Variants in SP140L observed in about 807,000 individuals in gnomAD.
The protein encoded by SP140L is nuclear body protein SP140-like protein.
A neutral mutation model predicts 84.3 loss-of-function variants in SP140L; 64 were observed. That is an observed-to-expected ratio of 0.76 (90% confidence interval 0.62 to 0.94). The LOEUF is 0.94. Among genes scored for constraint, SP140L ranks in the 40% least tolerant of loss-of-function variants. The pLI is 0.00. For synonymous variants in SP140L, 242 were observed against 236.9 expected, an observed-to-expected ratio of 1.02 and a Z score of -0.20; for missense variants, 628 against 692.5, an observed-to-expected ratio of 0.91 and a Z score of 1.05.
chr2:230,344,792 C>G (rs1017968906), intron 2 of SP140L, among the ~76,000 whole-genome samples: 1 of 152,108 alleles, frequency 6.6e-6, no homozygotes, highest in African/African-American at 2.4e-5. Flanking sequence ...TATTGTTTAA[C>G]TTCCCTACAT....
intron 2 of SP140L, among the ~76,000 whole-genome samples, chr2:230,342,555 T>C (rs980570903): frequency 6.6e-6 from 1 of 152,210 alleles, no homozygotes; most frequent in Non-Finnish European, 1.5e-5. Flanking sequence ...TTTTTTTTCC[T>C]ACTTATTCAA....
At chr2:230,352,606 G>A (rs112626536) in intron 2 of SP140L, among the ~76,000 whole-genome samples, 1 of 152,008 alleles carries the variant, frequency 6.6e-6, no homozygotes, top group African/African-American at 2.4e-5. Context: ...ATGAGATTTG[G>A]GTAGGGACAC....
intron 2 of SP140L, among the ~76,000 whole-genome samples, chr2:230,348,411 T>C (rs1028906526): frequency 2.0e-5 from 3 of 152,266 alleles, no homozygotes; most frequent in South Asian, 2.1e-4. Flanking sequence ...TATGTGTTTA[T>C]AGCCATTCCA....
intron 11 of SP140L, 192 bp from the exon 12 acceptor site, chr2:230,391,895 C>T: frequency 1.6e-6 from 1 of 644,882 alleles, no homozygotes; most frequent in Non-Finnish European, 2.6e-6. Context: ...TGTGCACCCC[C>T]ACCAGGAAAT....
At chr2:230,396,858 G>T (rs925537678) in intron 14 of SP140L, 60 bp downstream of exon 14, 1 of 1,596,194 alleles carries the variant, frequency 6.3e-7, no homozygotes, top group African/African-American at 1.3e-5. Context: ...CCAGGCATAT[G>T]TTCTGTGTCA....
intron 2 of SP140L, among the ~76,000 whole-genome samples, chr2:230,329,712 C>T (rs544350162): frequency 4.0e-4 from 61 of 152,308 alleles, no homozygotes; most frequent in African/African-American, 1.4e-3. Flanking sequence ...GAGGCCTCCC[C>T]AGCCATGCAG....
At chr2:230,386,344 C>T (rs1057116885) in intron 9 of SP140L, among the ~76,000 whole-genome samples, 1 of 152,174 alleles carries the variant, frequency 6.6e-6, no homozygotes, top group African/African-American at 2.4e-5. Flanking sequence ...GACAATTGGT[C>T]ATTCTACTTG....
intron 2 of SP140L, among the ~76,000 whole-genome samples, chr2:230,334,935 A>C (rs923339256): frequency 4.0e-4 from 61 of 152,124 alleles, no homozygotes; most frequent in African/African-American, 1.4e-3. Flanking sequence ...ATATTGTCCT[A>C]AAGTATATTT....
chr2:230,355,259 C>T (rs565915061), intron 2 of SP140L, among the ~76,000 whole-genome samples: 6 of 152,186 alleles, frequency 3.9e-5, no homozygotes, highest in Non-Finnish European at 8.8e-5. Context: ...TTTAGCAATG[C>T]CATAAATACA....
intron 2 of SP140L, among the ~76,000 whole-genome samples, chr2:230,332,366 C>T (rs1004885964): frequency 3.9e-4 from 60 of 152,290 alleles, no homozygotes; most frequent in African/African-American, 1.4e-3. Flanking sequence ...TATCTTTAAC[C>T]TTTTAGCTCT....
intron 5 of SP140L, among the ~76,000 whole-genome samples, chr2:230,368,372 T>C (rs909362339): frequency 1.3e-5 from 2 of 152,224 alleles, no homozygotes; most frequent in Non-Finnish European, 2.9e-5. Flanking sequence ...ATATGTTATT[T>C]GCTTCTGTTC....
At chr2:230,335,081 T>C (rs1480090682) in intron 2 of SP140L, among the ~76,000 whole-genome samples, 1 of 152,164 alleles carries the variant, frequency 6.6e-6, no homozygotes, top group Non-Finnish European at 1.5e-5. Flanking sequence ...CCTTTGTTCT[T>C]TTGATCAATC....
intron 14 of SP140L, among the ~76,000 whole-genome samples, chr2:230,399,415 A>G (rs541016541): frequency 5.7e-4 from 87 of 152,344 alleles, no homozygotes; most frequent in African/African-American, 2.0e-3. Flanking sequence ...GAGGGTCTCC[A>G]TCTTCAACAC....
chr2:230,390,137 C>A, intron 11 of SP140L, 114 bp downstream of exon 11: 3 of 919,556 alleles, frequency 3.3e-6, no homozygotes, highest in Non-Finnish European at 5.0e-6. Flanking sequence ...CCCAGTTTAG[C>A]TTGAGGGAAG....
intron 6 of SP140L, 94 bp from the exon 7 acceptor site, chr2:230,371,504 A>T (rs2061069242): frequency 8.8e-7 from 1 of 1,141,250 alleles, no homozygotes; most frequent in Non-Finnish European, 1.2e-6. Context: ...AAACATCTTT[A>T]TAAACTCAAG....
intron 11 of SP140L, among the ~76,000 whole-genome samples, chr2:230,390,745 G>A (rs569400204): frequency 6.6e-6 from 1 of 152,048 alleles, no homozygotes; most frequent in South Asian, 2.1e-4. Flanking sequence ...CATGTATCAT[G>A]TAACTCACCA....
chr2:230,361,773 C>G (rs11891724), intron 5 of SP140L, 76 bp downstream of exon 5: 1 of 1,120,952 alleles, frequency 8.9e-7, no homozygotes, highest in East Asian at 2.6e-5. Flanking sequence ...GGCCCAAGGT[C>G]CTGAGGGGAA....
At chr2:230,377,290 A>C (rs999577386) in intron 7 of SP140L, among the ~76,000 whole-genome samples, 12 of 152,308 alleles carry the variant, frequency 7.9e-5, no homozygotes, top group African/African-American at 2.9e-4. Flanking sequence ...ATGGGAATAC[A>C]GGCATGTACA....
At position 230,381,662 on chromosome 2, in the gene SP140L, GCAAAACAAC is replaced by G. The variant is rs1287127925; in HGVS notation, c.638-1839_638-1831del. 2.7e-5 allele frequency among the ~76,000 whole-genome samples: 4 copies of G among 150,632 alleles called. No individual in the cohort carries two copies. The East Asian group carries it at 8.0e-4, about 30-fold the overall frequency. On this transcript the variant is annotated intron_variant, in intron 7 of 18. Transcript: ENST00000415673. ...CTTGAGGCCAGGAGTCCAAAAACAA[GCAAAACAAC>G]CAAAACAAGCCTGGGCAAGATAGTG...
Sources: allele counts gnomAD v4.1 joint callset (sites outside exome capture counted in the v4.1 genomes callset), GRCh38; gene constraint gnomAD v4.1.1; transcripts MANE v1.5; gene names NCBI Gene and HGNC (gene_info 2026-07-23, HGNC 2026-07-21).